Variants in NUP210L observed in about 807,000 individuals in gnomAD.
NUP210L encodes nuclear pore membrane glycoprotein 210-like.
A neutral mutation model predicts 208.5 loss-of-function variants in NUP210L; 74 were observed. That is an observed-to-expected ratio of 0.35 (90% confidence interval 0.29 to 0.43). NUP210L has a LOEUF of 0.43. Ranked by LOEUF, NUP210L falls within the 20% of genes least tolerant of loss-of-function variation. NUP210L has a pLI of 1.00. For synonymous variants in NUP210L, 780 were observed against 816.9 expected (o/e 0.95, Z 0.77); for missense variants, 1,843 against 2,289.4 (o/e 0.81, Z 3.98).
In NUP210L at chr1:154,113,157, T is replaced by C. The variant is rs1557985047; in HGVS notation, c.1620+4568A>G. Among the ~76,000 whole-genome samples, 6 of 125,086 alleles carry C rather than the reference T, an allele frequency of 4.8e-5. No homozygotes were observed. The South Asian group carries it at 1.6e-3, about 33-fold the overall frequency. The allele number at this position is 125,086 out of a possible 152,430, so 82.1% of individuals were successfully genotyped here. A position where few individuals can be genotyped will look rare whatever the true frequency, so the allele number is the denominator to read the frequency against. On this transcript the variant is annotated intron_variant, in intron 12 of 39. Coordinates refer to ENST00000368559, the Ensembl canonical transcript of NUP210L. ...GGGTGATGGGAGAGAAACCCTCTCT[T>C]AAAAAAAAAAATATATATATATATA...
intron 33 of NUP210L, among the ~76,000 whole-genome samples, chr1:154,017,557 C>A (rs1571172987): frequency 7.2e-6 from 1 of 138,556 alleles, no homozygotes; most frequent in African/African-American, 2.7e-5. Flanking sequence ...TACTCTGTTG[C>A]CCCGGCTGGA....
intron 16 of NUP210L, among the ~76,000 whole-genome samples, chr1:154,084,115 C>G (rs1202613148): frequency 6.8e-6 from 1 of 146,656 alleles, no homozygotes; most frequent in East Asian, 2.1e-4. Context: ...TCTTGGCTCA[C>G]TGGAGCTTCC....
chr1:154,132,460 T>C (rs1450688040), intron 7 of NUP210L, among the ~76,000 whole-genome samples: 1 of 152,168 alleles, frequency 6.6e-6, no homozygotes, highest in Non-Finnish European at 1.5e-5. Context: ...GCTATCTTTT[T>C]CCTTAAAACT....
intron 10 of NUP210L, 39 bp from the exon 11 acceptor site, chr1:154,118,847 AG>A: frequency 6.0e-6 from 8 of 1,329,160 alleles, no homozygotes; most frequent in Non-Finnish European, 8.4e-6. Context: ...TATATTTATA[AG>A]GACTATTCTT....
chr1:154,108,339 G>A (rs1656870849), intron 12 of NUP210L, among the ~76,000 whole-genome samples: 1 of 152,056 alleles, frequency 6.6e-6, no homozygotes, highest in African/African-American at 2.4e-5. Context: ...TGTATTTTTA[G>A]TAGAGACAGG....
At chr1:154,128,797 A>G (rs1163499597) in intron 8 of NUP210L, among the ~76,000 whole-genome samples, 1 of 151,826 alleles carries the variant, frequency 6.6e-6, no homozygotes, top group Admixed American at 6.6e-5. Flanking sequence ...CAGTCAGCCA[A>G]GATCACACCA....
chr1:154,036,674 A>C (rs1397772764), intron 27 of NUP210L, among the ~76,000 whole-genome samples: 2 of 150,912 alleles, frequency 1.3e-5, no homozygotes, highest in South Asian at 4.2e-4. Flanking sequence ...CAGAACATAC[A>C]TATTTTTAAG....
At chr1:154,064,300 A>G (rs1163854652) in intron 17 of NUP210L, among the ~76,000 whole-genome samples, 1 of 152,046 alleles carries the variant, frequency 6.6e-6, no homozygotes, top group Non-Finnish European at 1.5e-5. Context: ...GGTGACTTAC[A>G]TTAGTGAATG....
intron 12 of NUP210L, among the ~76,000 whole-genome samples, chr1:154,107,390 C>A (rs530856512): frequency 6.6e-6 from 1 of 150,512 alleles, no homozygotes; most frequent in African/African-American, 2.4e-5. Flanking sequence ...AGGAGAATGG[C>A]GTGAACCTGG....
intron 14 of NUP210L, among the ~76,000 whole-genome samples, 187 bp downstream of exon 14, chr1:154,099,811 G>T (rs7537213): frequency 0.44 from 67,495 of 152,036 alleles, 16,074 homozygotes; most frequent in Non-Finnish European, 0.55. Flanking sequence ...AAGCATGAGG[G>T]AGTAAACTCC....
At chr1:154,132,778 G>A (rs2148127719) in intron 7 of NUP210L, among the ~76,000 whole-genome samples, 1 of 152,290 alleles carries the variant, frequency 6.6e-6, no homozygotes, top group Non-Finnish European at 1.5e-5. Context: ...GTTGAAAAAT[G>A]TCCTAGGTAC....
intron 1 of NUP210L, among the ~76,000 whole-genome samples, chr1:154,153,824 AAC>A (rs751149108): frequency 9.2e-5 from 14 of 152,328 alleles, no homozygotes; most frequent in African/African-American, 1.9e-4. Context: ...ACGGTCAGGA[AAC>A]ACACACGTCA....
chr1:154,008,592 A>G (rs1244428598), intron 35 of NUP210L, among the ~76,000 whole-genome samples: 1 of 152,288 alleles, frequency 6.6e-6, no homozygotes, highest in East Asian at 1.9e-4. Context: ...CTGTAATCCC[A>G]GCTACTCAGG....
At chr1:154,030,864 C>T (rs1215643417) in intron 27 of NUP210L, among the ~76,000 whole-genome samples, 1 of 151,874 alleles carries the variant, frequency 6.6e-6, no homozygotes, top group African/African-American at 2.4e-5. Context: ...CTCAAGTAGC[C>T]GGGACCACAA....
intron 27 of NUP210L, among the ~76,000 whole-genome samples, chr1:154,040,618 ACT>A (rs1239621470): frequency 6.7e-6 from 1 of 148,266 alleles, no homozygotes; most frequent in Non-Finnish European, 1.5e-5. Flanking sequence ...ATGGAGTCTC[ACT>A]CTGTCGCCCA....
At chr1:154,032,928 A>C (rs1204455192) in intron 27 of NUP210L, among the ~76,000 whole-genome samples, 2 of 147,782 alleles carry the variant, frequency 1.4e-5, no homozygotes, top group Non-Finnish European at 2.9e-5. Context: ...ACAGAGCAAG[A>C]CTACATCTCA....
chr1:154,153,076 C>G (rs1187102517), intron 1 of NUP210L, among the ~76,000 whole-genome samples: 1 of 152,122 alleles, frequency 6.6e-6, no homozygotes, highest in African/African-American at 2.4e-5. Flanking sequence ...TGAACAAAGT[C>G]CCAGAAATAT....
chr1:154,115,410 G>A (rs985855424), intron 12 of NUP210L, among the ~76,000 whole-genome samples: 3 of 152,328 alleles, frequency 2.0e-5, no homozygotes, highest in Non-Finnish European at 4.4e-5. Context: ...ATGAATGGGA[G>A]TAGCTGTGTT....
At chr1:154,095,300 T>C in intron 14 of NUP210L, 144 bp from the exon 15 acceptor site, 2 of 649,204 alleles carry the variant, frequency 3.1e-6, no homozygotes, top group Non-Finnish European at 5.3e-6. Context: ...TGCCTCTCAC[T>C]TGGAATGCTT....
Sources: gnomAD v4.1 joint callset for allele counts (sites outside exome capture counted in the v4.1 genomes callset) on GRCh38, gnomAD v4.1.1 for gene constraint, MANE v1.5 for transcripts, NCBI Gene and HGNC (gene_info 2026-07-23, HGNC 2026-07-21) for gene names.